The following PRRC2B variants were observed in gnomAD, a reference collection of about 807,000 sequenced individuals.
PRRC2B encodes the protein proline rich coiled-coil 2B, also known as protein PRRC2B.
PRRC2B carries 68 observed loss-of-function variants against 242.3 expected under a neutral mutation model. The ratio of observed to expected loss-of-function variants is 0.28; its 90% confidence interval spans 0.23 to 0.34. PRRC2B has a LOEUF of 0.34. PRRC2B is among the 10% of genes least tolerant of loss of function. The pLI is 1.00. For synonymous variants in PRRC2B, 1,228 were observed against 1,173.6 expected (o/e 1.05, Z -0.95); for missense variants, 2,835 against 2,954.8 (o/e 0.96, Z 0.94).
At position 131,494,326 on chromosome 9, in the gene PRRC2B, T is replaced by G. The variant is rs777111418; in HGVS notation, c.6474-79T>G. The G allele has an allele frequency of 4.0e-6, 3 of 755,502 alleles. No individual in the cohort carries two copies. The highest frequency in any genetic ancestry group is 1.7e-5 in the South Asian group (1 of 60,168). The allele number at this position is 755,502 out of a possible 1,614,324, so 46.8% of individuals were successfully genotyped here. On this transcript the variant is annotated intron_variant, in intron 30 of 31. Coordinates refer to ENST00000683519, the MANE Select transcript of PRRC2B (RefSeq NM_013318.4). The surrounding 1 kb of genome is among the most constrained non-coding windows in gnomAD (Gnocchi z 4.3). Reference sequence around the variant, plus strand: ...CCGCAGGCCCTTCCTTCCTTGTGCCTCCTCCATGTGCTAGGCTTTGACTCC... The same window carrying G: ...CCGCAGGCCCTTCCTTCCTTGTGCCGCCTCCATGTGCTAGGCTTTGACTCC...
Position 131,455,213 on chromosome 9 carries a change from GTGT to G in PRRC2B, c.1211+54_1211+56del, listed in dbSNP as rs756998383. On this transcript the variant is annotated intron_variant, in intron 10 of 31. Transcript: ENST00000683519. Reference sequence around the variant, plus strand: ...ATCAGCATGAGTGCATCCCTGCTTAGTGTTGTTGTGTACCCAGAGCATTTCCCA... The same window carrying G: ...ATCAGCATGAGTGCATCCCTGCTTAGTGTTGTGTACCCAGAGCATTTCCCA... The G allele has an allele frequency of 2.0e-5, 26 of 1,301,248 alleles. No homozygotes were observed. In the South Asian group the frequency reaches 2.9e-4, roughly 15 times the overall value. The allele number at this position is 1,301,248 out of a possible 1,614,324, so 80.6% of individuals were successfully genotyped here. A position where few individuals can be genotyped will look rare whatever the true frequency, so the allele number is the denominator to read the frequency against.
intron 1 of PRRC2B, among the ~76,000 whole-genome samples, chr9:131,412,921 G>A (rs886252840): frequency 1.3e-5 from 2 of 151,748 alleles, no homozygotes; most frequent in Middle Eastern, 3.4e-3. Context: ...AGCCTCCCGA[G>A]TAGCTGGGAT....
At chr9:131,395,415 C>T (rs1014011081) in intron 1 of PRRC2B, among the ~76,000 whole-genome samples, 10 of 152,070 alleles carry the variant, frequency 6.6e-5, no homozygotes, top group Non-Finnish European at 1.3e-4. Flanking sequence ...ATGCACAGCG[C>T]TGTGGTGTAA....
At position 131,444,332 on chromosome 9, in the gene PRRC2B, A is replaced by G; in HGVS notation, c.613+4A>G. The G allele has an allele frequency of 1.2e-6, 2 of 1,610,378 alleles. No individual in the cohort carries two copies. The highest frequency in any genetic ancestry group is 1.3e-5 in the African/African-American group (1 of 74,974). The stretch of plus-strand genomic sequence containing the variant: ...GGACCAAGCCTCCGCCCTCAGAGTA[A>G]GTGACTGCAGCCTCTGGGCACTCGA... On this transcript the variant is annotated splice_donor_region_variant and intron_variant, in intron 6 of 31. Transcript: ENST00000683519.
chr9:131,477,714 C>G (rs766274235), intron 16 of PRRC2B, 30 bp from the exon 17 acceptor site: 1 of 1,437,136 alleles, frequency 7.0e-7, no homozygotes, highest in Non-Finnish European at 9.6e-7. Flanking sequence ...TTCCCCAGCT[C>G]TGGTTAACAA....
chr9:131,478,623 AGGGGCGGAGGGTGGGGGGGCAT>A lies in PRRC2B; in HGVS notation c.4758+10_4758+31del. ...AAAGAAGGAGCAGGCCGTGCAGGTG[AGGGGCGGAGGGTGGGGGGGCAT>A]GGGGCTGGAGGGCAGGCTGGCAGAT... On this transcript the variant is annotated splice_donor_5th_base_variant and intron_variant, in intron 18 of 31. Coordinates refer to ENST00000683519, the MANE Select transcript of PRRC2B (RefSeq NM_013318.4). 8.0e-6 allele frequency: 2 copies of A among 250,376 alleles called. No homozygotes were observed. Among genetic ancestry groups the A allele is most frequent in the Non-Finnish European group, 1.3e-5 (2 of 158,774 alleles). 15.5% of individuals were successfully genotyped at this position (250,376 alleles called of 1,614,324 possible).
In PRRC2B at chr9:131,439,336, C is replaced by G. The variant is rs570667943; in HGVS notation, c.469+275C>G. Among the ~76,000 whole-genome samples the G allele has an allele frequency of 2.6e-5, 4 of 152,290 alleles. No homozygotes were observed. The East Asian group carries it at 7.7e-4, about 29-fold the overall frequency. ...ATTTTTGATGATAGCTTGAATGTTT[C>G]TAGCATACTGTGCTTCAGACCAAAC... On this transcript the variant is annotated intron_variant, in intron 5 of 31. Coordinates refer to ENST00000683519, the MANE Select transcript of PRRC2B (RefSeq NM_013318.4).
Position 131,474,701 on chromosome 9 carries a change from G to A in PRRC2B, c.2572G>A (p.Asp858Asn), listed in dbSNP as rs774030631. ...CCTCAGGTGTTCCCCATTGGAGCCTGACTTTGTCCCAGATGAGAAAAAGCC... is the reference window on the plus strand; with the variant it reads ...CCTCAGGTGTTCCCCATTGGAGCCTAACTTTGTCCCAGATGAGAAAAAGCC... ...QNLRCSPLEP[D>N]FVPDEKKPEC... The change falls in exon 16 of 32, where the codon GAC becomes AAC. Residue 858 changes from aspartate to asparagine, a missense_variant. Asp to Asn is a conservative substitution (Grantham distance 23). Coordinates refer to ENST00000683519, the MANE Select transcript of PRRC2B (RefSeq NM_013318.4). 8 of 1,612,824 alleles carry A rather than the reference G, an allele frequency of 5.0e-6. No homozygotes were observed. Among genetic ancestry groups the A allele is most frequent in the Non-Finnish European group, 5.9e-6 (7 of 1,179,414 alleles).
chr9:131,389,062 G>A (rs1212682430), intron 1 of PRRC2B, among the ~76,000 whole-genome samples: 9 of 148,606 alleles, frequency 6.1e-5, no homozygotes, highest in Non-Finnish European at 7.4e-5. Context: ...GGCTGGTCTC[G>A]AACTCCTGAG....
chr9:131,418,880 C>T (rs1348400159), intron 1 of PRRC2B, among the ~76,000 whole-genome samples: 2 of 152,190 alleles, frequency 1.3e-5, no homozygotes, highest in East Asian at 1.9e-4. Context: ...CAGTAGAACA[C>T]GGGCGAGGCA....
chr9:131,395,867 A>C (rs536426511), intron 1 of PRRC2B, among the ~76,000 whole-genome samples: 80 of 152,330 alleles, frequency 5.3e-4, no homozygotes, highest in African/African-American at 1.8e-3. Flanking sequence ...GGTCAGTTTA[A>C]GGCAGGGTTA....
chr9:131,456,021 G>T (rs146225512), intron 10 of PRRC2B, among the ~76,000 whole-genome samples: 2 of 152,000 alleles, frequency 1.3e-5, no homozygotes, highest in Non-Finnish European at 2.9e-5. Context: ...GCTGAGGCAG[G>T]AGAATTGCTT....
At chr9:131,421,532 T>C (rs1229437936) in intron 1 of PRRC2B, among the ~76,000 whole-genome samples, 1 of 152,190 alleles carries the variant, frequency 6.6e-6, no homozygotes, top group Non-Finnish European at 1.5e-5. Context: ...TTTGGTATGT[T>C]TTGTCTAGCA....
In PRRC2B at chr9:131,454,921, A is replaced by G. The variant is rs367624248; in HGVS notation, c.1121-155A>G. ...AGTACTGGGATTACAGGCATGAGCC[A>G]CCATGTTGGTCAGTCTGGTCTCAAA... is the stretch of plus-strand genomic sequence containing the variant. On this transcript the variant is annotated intron_variant, in intron 9 of 31. Transcript: ENST00000683519. Among the ~76,000 whole-genome samples the G allele has an allele frequency of 2.0e-5, 3 of 149,134 alleles. No homozygotes were observed. The South Asian group carries it at 6.3e-4, about 31-fold the overall frequency.
rs758803794 is a variant in PRRC2B, at chr9:131,474,439, C to A, written c.2325-15C>A. ...GCTCCAATCGCATTGACTGATTTTTCTGGTTCCTTTTCAGGAATGAAAGCT... is the reference window on the plus strand; with the variant it reads ...GCTCCAATCGCATTGACTGATTTTTATGGTTCCTTTTCAGGAATGAAAGCT... On this transcript the variant is annotated splice_polypyrimidine_tract_variant and intron_variant, in intron 15 of 31. Coordinates refer to ENST00000683519, the MANE Select transcript of PRRC2B (RefSeq NM_013318.4). 2 of 1,590,110 alleles carry A rather than the reference C, an allele frequency of 1.3e-6. No homozygotes were observed. The highest frequency in any genetic ancestry group is 1.1e-5 in the South Asian group (1 of 89,032).
In PRRC2B at chr9:131,475,550, T is replaced by A; in HGVS notation, c.3421T>A (p.Tyr1141Asn). 6.2e-7 allele frequency: 1 copy of A among 1,612,072 alleles called. No individual in the cohort carries two copies. The highest frequency in any genetic ancestry group is 8.5e-7 in the Non-Finnish European group (1 of 1,179,628). The part of the protein sequence containing the change: ...ASETHSEGSE[Y>N]EELPKRRRQR... ...TGAGACCCATAGCGAGGGCTCAGAGTATGAAGAACTTCCCAAGCGCCGCCG... is the reference window on the plus strand; with the variant it reads ...TGAGACCCATAGCGAGGGCTCAGAGAATGAAGAACTTCCCAAGCGCCGCCG... The change falls in exon 16 of 32, where the codon TAT becomes AAT. Residue 1141 changes from tyrosine to asparagine, a missense_variant. This residue lies in a region of PRRC2B where 1,536 missense variants were observed against 1,483.1 expected (regional missense o/e 1.04). Coordinates refer to ENST00000683519, the MANE Select transcript of PRRC2B (RefSeq NM_013318.4).
intron 1 of PRRC2B, among the ~76,000 whole-genome samples, chr9:131,410,449 GC>G (rs1406648566): frequency 1.3e-5 from 2 of 152,188 alleles, no homozygotes; most frequent in Non-Finnish European, 2.9e-5. Context: ...GGCAGGTGGG[GC>G]CATTCTCTGG....
At chr9:131,433,659 G>A (rs992134525) in intron 3 of PRRC2B, among the ~76,000 whole-genome samples, 2 of 152,194 alleles carry the variant, frequency 1.3e-5, no homozygotes, top group Non-Finnish European at 1.5e-5. Context: ...GCTGTCTGGC[G>A]GCAGCGCCCT....
At chr9:131,458,889 C>T (rs1023617637) in intron 10 of PRRC2B, among the ~76,000 whole-genome samples, 1 of 152,178 alleles carries the variant, frequency 6.6e-6, no homozygotes, top group African/African-American at 2.4e-5. Context: ...TGTGGTTGGA[C>T]AAGCTTGCTT....
Sources: gnomAD v4.1 joint callset for allele counts (sites outside exome capture counted in the v4.1 genomes callset) on GRCh38, gnomAD v4.1.1 for gene constraint, gnomAD v4.1.1 regional missense constraint, Gnocchi (gnomAD v3.1) non-coding constraint, MANE v1.5 for transcripts, NCBI Gene and HGNC (gene_info 2026-07-23, HGNC 2026-07-21) for gene names.